HSD17B12: variants seen among roughly 807,000 people sequenced by gnomAD.
HSD17B12 encodes very-long-chain 3-oxoacyl-CoA reductase.
In HSD17B12, 32 loss-of-function variants were observed where a neutral mutation model predicts 39.3. The ratio of observed to expected loss-of-function variants is 0.81; its 90% CI spans 0.61 to 1.09. The LOEUF (loss-of-function observed/expected upper bound fraction) is 1.09, where lower values mean the gene tolerates loss of function less well. HSD17B12 is among the 50% of genes least tolerant of loss of function. The pLI is 0.00. For synonymous variants in HSD17B12, 150 were observed against 146.7 expected (o/e 1.02, Z -0.16); for missense variants, 342 against 382.9 (o/e 0.89, Z 0.89).
intron 3 of HSD17B12, among the ~76,000 whole-genome samples, chr11:43,785,572 AT>A (rs1950808318): frequency 6.6e-6 from 1 of 152,160 alleles, no homozygotes; most frequent in African/African-American, 2.4e-5. Flanking sequence ...GTCTGCTGCA[AT>A]TTGTTATTTT....
At chr11:43,814,037 C>T (rs1199722445) in intron 4 of HSD17B12, among the ~76,000 whole-genome samples, 1 of 152,122 alleles carries the variant, frequency 6.6e-6, no homozygotes. Flanking sequence ...GGCATAATTC[C>T]TTATAAGCTG....
chr11:43,851,770 C>G (rs541549714), intron 9 of HSD17B12, among the ~76,000 whole-genome samples: 6 of 152,242 alleles, frequency 3.9e-5, no homozygotes, highest in Non-Finnish European at 7.4e-5. Flanking sequence ...TATGACCAAG[C>G]CTTCATGGAG....
chr11:43,680,367 C>T (rs918236487), upstream of HSD17B12, among the ~76,000 whole-genome samples: 4 of 152,196 alleles, frequency 2.6e-5, no homozygotes, highest in African/African-American at 9.6e-5. Flanking sequence ...CCACCGCGCC[C>T]TGCCTACGCC....
chr11:43,670,945 A>G, the HSD17B12 span, among the ~76,000 whole-genome samples: 2 of 152,146 alleles, frequency 1.3e-5, no homozygotes, highest in Non-Finnish European at 2.9e-5. Flanking sequence ...CAAAAATAAT[A>G]TAAACTAAAG....
upstream of HSD17B12, chr11:43,680,737 T>A (rs1949734037): frequency 1.7e-6 from 2 of 1,164,956 alleles, no homozygotes; most frequent in Non-Finnish European, 2.6e-6. Flanking sequence ...CGCCTATTAG[T>A]GTCATCCTCA....
rs535287893 is a variant in HSD17B12, at chr11:43,775,329, G to A, written c.283+21208G>A. Among the ~76,000 whole-genome samples, 14 of 152,270 alleles carry A rather than the reference G, an allele frequency of 9.2e-5. No homozygotes were observed. In the East Asian group the frequency reaches 2.5e-3, roughly 27 times the overall value. On this transcript the variant is annotated intron_variant, in intron 3 of 10. Transcript: ENST00000278353. ...AGCCAAGTTCTGTGGTAATTGTGAT[G>A]CAGCAGTGGAAAAGTAATACATACT...
the HSD17B12 span, among the ~76,000 whole-genome samples, chr11:43,563,659 T>C: frequency 6.6e-6 from 1 of 152,054 alleles, no homozygotes; most frequent in African/African-American, 2.4e-5. Context: ...TACTAAATTT[T>C]TTTTTCTAAT....
At chr11:43,592,138 T>G in the HSD17B12 span, among the ~76,000 whole-genome samples, 8 of 152,126 alleles carry the variant, frequency 5.3e-5, no homozygotes, top group Admixed American at 5.2e-4. Flanking sequence ...ATTTTTTTTC[T>G]GTATGTGCTC....
chr11:43,654,758 T>TCTGTTTTGGTACCAGTACCATG, the HSD17B12 span, among the ~76,000 whole-genome samples: 1 of 152,210 alleles, frequency 6.6e-6, no homozygotes, highest in African/African-American at 2.4e-5. Flanking sequence ...GGTTTATATC[T>TCTGTTTTGGTACCAGTACCATG]CTGTTTTGGT....
chr11:43,632,024 A>G, the HSD17B12 span, among the ~76,000 whole-genome samples: 1 of 151,908 alleles, frequency 6.6e-6, no homozygotes, highest in Non-Finnish European at 1.5e-5. Context: ...GGGGAGGAGG[A>G]GGGGTAAATG....
intron 1 of HSD17B12, among the ~76,000 whole-genome samples, chr11:43,740,244 A>C (rs1796553474): frequency 6.6e-6 from 1 of 152,208 alleles, no homozygotes; most frequent in Non-Finnish European, 1.5e-5. Context: ...TCCTCGTACA[A>C]GTCCTTGTGT....
At chr11:43,751,897 T>G (rs1456257451) in intron 2 of HSD17B12, among the ~76,000 whole-genome samples, 2 of 152,130 alleles carry the variant, frequency 1.3e-5, no homozygotes, top group East Asian at 1.9e-4. Context: ...TTGGTCACAA[T>G]AGGAAGTTTA....
the HSD17B12 span, among the ~76,000 whole-genome samples, chr11:43,621,188 A>G: frequency 6.6e-6 from 1 of 152,194 alleles, no homozygotes; most frequent in Non-Finnish European, 1.5e-5. Context: ...AGCAACTGAC[A>G]TGCTTTTTCC....
At chr11:43,559,574 C>T in the HSD17B12 span, 2 of 155,790 alleles carry the variant, frequency 1.3e-5, no homozygotes, top group Middle Eastern at 5.3e-4. Context: ...CCCACGTCAG[C>T]TCATGAGCCA....
chr11:43,763,116 G>T (rs1045620659), intron 3 of HSD17B12, among the ~76,000 whole-genome samples: 7 of 151,990 alleles, frequency 4.6e-5, no homozygotes, highest in African/African-American at 1.7e-4. Flanking sequence ...AGATAGTTTG[G>T]GTGTAAAGTA....
chr11:43,644,058 A>T, the HSD17B12 span, among the ~76,000 whole-genome samples: 12 of 152,304 alleles, frequency 7.9e-5, no homozygotes, highest in Non-Finnish European at 1.2e-4. Flanking sequence ...TGTTTGAGAA[A>T]ATTTCCGAAG....
At chr11:43,580,918 GGA>G in the HSD17B12 span, among the ~76,000 whole-genome samples, 1 of 152,034 alleles carries the variant, frequency 6.6e-6, no homozygotes, top group African/African-American at 2.4e-5. Context: ...GTGCTCTGGG[GGA>G]GTTTTTCTCT....
chr11:43,848,013 AG>A (rs1951494225), intron 9 of HSD17B12, among the ~76,000 whole-genome samples: 1 of 152,216 alleles, frequency 6.6e-6, no homozygotes, highest in Admixed American at 6.5e-5. Flanking sequence ...TGGGCTTCAA[AG>A]AACTAGAAAG....
the HSD17B12 span, among the ~76,000 whole-genome samples, chr11:43,595,974 A>G: frequency 2.6e-5 from 4 of 152,248 alleles, no homozygotes; most frequent in East Asian, 7.7e-4. Flanking sequence ...CTCATTCAAC[A>G]TAGAATCTTA....
Sources: allele counts gnomAD v4.1 joint callset (sites outside exome capture counted in the v4.1 genomes callset), GRCh38; gene constraint gnomAD v4.1.1; transcripts MANE v1.5; gene names NCBI Gene and HGNC (gene_info 2026-07-23, HGNC 2026-07-21).